The following GALP variants were observed in gnomAD, a reference collection of about 807,000 sequenced individuals.
The protein encoded by GALP is galanin like peptide, also known as galanin-like peptide.
Under a neutral mutation model 15.2 loss-of-function variants are expected in GALP, and 12 were observed. The ratio of observed to expected loss-of-function variants is 0.79; its 90% CI spans 0.51 to 1.28. The LOEUF (loss-of-function observed/expected upper bound fraction) is 1.28, where lower values mean the gene tolerates loss of function less well. Among genes scored for constraint, GALP ranks in the 50% most tolerant of loss-of-function variants. GALP has a pLI of 0.00. For synonymous variants in GALP, 58 were observed against 55.1 expected (o/e 1.05, Z -0.23); for missense variants, 161 against 145.6 (o/e 1.11, Z -0.55).
Position 56,183,156 on chromosome 19 carries a change from C to A in GALP, c.239C>A (p.Pro80His). Residue 80 changes from proline to histidine, a missense_variant, in exon 5 of 6, where the codon CCT (proline) becomes CAT (histidine). Coordinates refer to ENST00000357330, the MANE Select transcript of GALP (RefSeq NM_033106.4). The stretch of plus-strand genomic sequence containing the variant: ...CTAGACGGGCTCCCCTACTCCCACC[C>A]TCCACAGCCCTCCAAGAGGAATGTG... ...KAIDGLPYSH[P>H]PQPSKRNVME... 1 of 1,613,656 alleles carries A rather than the reference C, an allele frequency of 6.2e-7. No individual in the cohort carries two copies. Among genetic ancestry groups the A allele is most frequent in the Non-Finnish European group, 8.5e-7 (1 of 1,179,614 alleles).
At position 56,184,117 on chromosome 19, in the gene GALP, G is replaced by A. The variant is rs140208334; in HGVS notation, c.295+905G>A. On this transcript the variant is annotated intron_variant, in intron 5 of 5. Transcript: ENST00000357330. The stretch of plus-strand genomic sequence containing the variant: ...ATTACAGGCGCCCGCCACCACATCC[G>A]GCTAATTTTGGTATTTTTAGTAGAG... Among the ~76,000 whole-genome samples the A allele has an allele frequency of 2.2e-4, 33 of 151,730 alleles. No individual in the cohort carries two copies. In the South Asian group the frequency reaches 2.9e-3, roughly 13 times the overall value.
intron 5 of GALP, among the ~76,000 whole-genome samples, chr19:56,183,547 TACA>T (rs2032602192): frequency 6.6e-6 from 1 of 152,342 alleles, no homozygotes; most frequent in African/African-American, 2.4e-5. Flanking sequence ...TAGCCTCAGC[TACA>T]ACATTGACGT....
Position 56,183,147 on chromosome 19 carries a change from A to C in GALP, c.230A>C (p.Tyr77Ser). Residue 77 changes from tyrosine to serine, a missense_variant, in exon 5 of 6, where the codon TAC (tyrosine) becomes TCC (serine). Coordinates refer to ENST00000357330, the MANE Select transcript of GALP (RefSeq NM_033106.4). ...TTTTTGTTTCTAGACGGGCTCCCCT[A>C]CTCCCACCCTCCACAGCCCTCCAAG... ...DLWKAIDGLP[Y>S]SHPPQPSKRN... The C allele has an allele frequency of 6.2e-7, 1 of 1,612,626 alleles. No homozygotes were observed. The highest frequency in any genetic ancestry group is 8.5e-7 in the Non-Finnish European group (1 of 1,179,074).
intron 5 of GALP, among the ~76,000 whole-genome samples, chr19:56,184,867 A>G (rs889923992): frequency 1.3e-5 from 2 of 152,166 alleles, no homozygotes. Context: ...TGTACTGGAC[A>G]ATACTGGGTA....
At chr19:56,180,740 C>A in intron 3 of GALP, 106 bp downstream of exon 3, 1 of 854,914 alleles carries the variant, frequency 1.2e-6, no homozygotes, top group South Asian at 1.4e-5. Context: ...TTCACTGAGG[C>A]CCATGGATTT....
chr19:56,176,282 G>A (rs867756706), intron 1 of GALP, among the ~76,000 whole-genome samples: 17 of 133,998 alleles, frequency 1.3e-4, no homozygotes, highest in Middle Eastern at 8.3e-3. Flanking sequence ...TAGGCCAGGA[G>A]GGCAGAGGGG....
chr19:56,176,136 A>T (rs1194957649), intron 1 of GALP, 74 bp downstream of exon 1: 2 of 155,066 alleles, frequency 1.3e-5, no homozygotes, highest in African/African-American at 5.3e-5. Flanking sequence ...CCAGGAGGGC[A>T]CAGGGTCGGC....
In GALP at chr19:56,182,192, G is replaced by A. The variant is rs1879198995; in HGVS notation, c.157G>A (p.Gly53Ser). ...LGPVLHLPQMGDQDGKRETAL... is the reference protein window; with the variant it reads ...LGPVLHLPQMSDQDGKRETAL... The stretch of plus-strand genomic sequence containing the variant: ...CCCAGTCCTCCACCTTCCCCAAATG[G>A]GTGACCAAGACGGAAAGAGGGAGAC... Residue 53 changes from glycine (G) to serine (S), a missense_variant, in exon 4 of 6, where the codon GGT (glycine) becomes AGT (serine). Physicochemically the swap from Gly to Ser is moderately conservative, Grantham distance 56. Transcript: ENST00000357330. 2 of 1,613,908 alleles carry A rather than the reference G, an allele frequency of 1.2e-6. No homozygotes were observed. Among genetic ancestry groups the A allele is most frequent in the Non-Finnish European group, 1.7e-6 (2 of 1,179,816 alleles).
chr19:56,184,532 G>C (rs1005748784), intron 5 of GALP, among the ~76,000 whole-genome samples: 1 of 131,896 alleles, frequency 7.6e-6, no homozygotes, highest in African/African-American at 3.0e-5. Flanking sequence ...CTCCCAGGCT[G>C]GAGTGCAGTG....
intron 2 of GALP, among the ~76,000 whole-genome samples, chr19:56,179,448 C>T (rs1314903312): frequency 6.7e-6 from 1 of 149,386 alleles, no homozygotes. Flanking sequence ...GCTGGGACTA[C>T]AGGCACCCGC....
rs761574430 is a variant in GALP at position 56,185,585 on chromosome 19, C to T, written c.*315C>T. The stretch of plus-strand genomic sequence containing the variant: ...GAATTGTGTTCTTTTGGAATCATCC[C>T]AATTATAACACGAGCTATTGCATAA... On this transcript the variant is annotated 3_prime_UTR_variant, in exon 6 of 6. Transcript: ENST00000357330. 2.2e-5 allele frequency: 5 copies of T among 229,038 alleles called. No individual in the cohort carries two copies. The highest frequency in any genetic ancestry group is 6.9e-5 in the African/African-American group (3 of 43,724). 14.2% of individuals were successfully genotyped at this position (229,038 alleles called of 1,614,324 possible).
intron 2 of GALP, among the ~76,000 whole-genome samples, chr19:56,178,481 GAAAAGAAAAGA>G (rs371856610): frequency 0.018 from 824 of 47,056 alleles, 5 homozygotes; most frequent in African/African-American, 0.059. Flanking sequence ...ACAAAAACAA[GAAAAGAAAAGA>G]AAAAGAAAAG....
intron 1 of GALP, among the ~76,000 whole-genome samples, chr19:56,176,448 G>C (rs1347548150): frequency 4.1e-5 from 4 of 97,522 alleles, no homozygotes; most frequent in African/African-American, 4.5e-5. Context: ...AGGGGCGGAT[G>C]CCAGCTGCAG....
intron 5 of GALP, among the ~76,000 whole-genome samples, chr19:56,185,011 A>T (rs1457470866): frequency 1.3e-5 from 2 of 152,036 alleles, no homozygotes; most frequent in African/African-American, 4.8e-5. Flanking sequence ...ATGAAAGTAG[A>T]GAGAAGGGGC....
chr19:56,177,045 ATGAC>A (rs2032475551), intron 1 of GALP, 21 bp from the exon 2 acceptor site: 2 of 1,308,446 alleles, frequency 1.5e-6, no homozygotes, highest in Non-Finnish European at 2.2e-6. Context: ...GCTTCGGAAA[ATGAC>A]TGGCCGCTCT....
intron 5 of GALP, among the ~76,000 whole-genome samples, chr19:56,184,206 T>C (rs2032616324): frequency 1.3e-5 from 2 of 152,168 alleles, no homozygotes; most frequent in Admixed American, 1.3e-4. Context: ...TCTGCCCGCC[T>C]TGGCCTCCCA....
intron 2 of GALP, among the ~76,000 whole-genome samples, chr19:56,177,910 A>T (rs1188367222): frequency 6.6e-6 from 1 of 152,188 alleles, no homozygotes; most frequent in Non-Finnish European, 1.5e-5. Context: ...TGGTCCAGGG[A>T]TACACAGTTT....
intron 5 of GALP, among the ~76,000 whole-genome samples, chr19:56,183,497 C>T (rs1018534412): frequency 5.9e-5 from 9 of 152,192 alleles, no homozygotes; most frequent in Non-Finnish European, 1.2e-4. Flanking sequence ...TAGGACCCCA[C>T]ACCCAACCTT....
chr19:56,183,163 G>T lies in GALP; in HGVS notation c.246G>T (p.Gln82His). 6.2e-7 allele frequency: 1 copy of T among 1,613,680 alleles called. No homozygotes were observed. The highest frequency in any genetic ancestry group is 8.5e-7 in the Non-Finnish European group (1 of 1,179,694). ...IDGLPYSHPP[Q>H]PSKRNVMETF... ...GGCTCCCCTACTCCCACCCTCCACA[G>T]CCCTCCAAGAGGAATGTGATGGAGA... The change falls in exon 5 of 6, where the codon CAG becomes CAT. Residue 82 changes from glutamine (Q) to histidine (H), a missense_variant. By Grantham distance (24) the Gln-to-His change is conservative (BLOSUM62 0). Transcript: ENST00000357330.
Sources: allele counts gnomAD v4.1 joint callset (sites outside exome capture counted in the v4.1 genomes callset), GRCh38; gene constraint gnomAD v4.1.1; transcripts MANE v1.5; gene names NCBI Gene and HGNC (gene_info 2026-07-23, HGNC 2026-07-21).